The following OXR1 variants were observed in gnomAD, a reference collection of about 807,000 sequenced individuals.
OXR1 encodes the protein oxidation resistance protein 1.
OXR1 carries 41 observed loss-of-function variants against 104.6 expected under a neutral mutation model. The observed-to-expected ratio is 0.39, with a 90% CI of 0.31 to 0.51. The LOEUF (loss-of-function observed/expected upper bound fraction) is 0.51, where lower values mean the gene tolerates loss of function less well. OXR1 is among the 20% of genes least tolerant of loss of function. The pLI is 0.77. For synonymous variants in OXR1, 348 were observed against 348.4 expected (o/e 1.00, Z 0.01); for missense variants, 955 against 1,031.9 (o/e 0.93, Z 1.02).
At chr8:106,727,968 G>A (rs559191387) in intron 11 of OXR1, among the ~76,000 whole-genome samples, 1 of 152,216 alleles carries the variant, frequency 6.6e-6, no homozygotes, top group East Asian at 1.9e-4. Context: ...AGCACATATT[G>A]TAGTTCACCA....
intron 11 of OXR1, among the ~76,000 whole-genome samples, chr8:106,718,561 C>G (rs540860609): frequency 6.6e-6 from 1 of 152,050 alleles, no homozygotes; most frequent in Admixed American, 6.6e-5. Context: ...TGGTGTGGGT[C>G]GGGCGTGGTG....
chr8:106,420,817 A>G (rs1313741339), intron 2 of OXR1, among the ~76,000 whole-genome samples: 1 of 151,778 alleles, frequency 6.6e-6, no homozygotes, highest in Non-Finnish European at 1.5e-5. Context: ...TGTTAAAGAT[A>G]TTTAAAGTCT....
At chr8:106,705,257 GAC>G (rs1304207042) in intron 8 of OXR1, among the ~76,000 whole-genome samples, 1 of 152,044 alleles carries the variant, frequency 6.6e-6, no homozygotes, top group African/African-American at 2.4e-5. Flanking sequence ...ACCAGTAGAT[GAC>G]ACTATTGTAT....
intron 2 of OXR1, among the ~76,000 whole-genome samples, chr8:106,512,113 T>A (rs890661058): frequency 1.3e-5 from 2 of 152,198 alleles, no homozygotes; most frequent in Non-Finnish European, 2.9e-5. Flanking sequence ...ATGTCAATTT[T>A]ATGACAGATA....
chr8:106,465,211 G>A (rs974930609), intron 2 of OXR1, among the ~76,000 whole-genome samples: 2 of 151,916 alleles, frequency 1.3e-5, no homozygotes, highest in Non-Finnish European at 2.9e-5. Flanking sequence ...GGATGTCTGC[G>A]AGATGAGCAT....
At chr8:106,666,132 A>C (rs1826299096) in intron 3 of OXR1, among the ~76,000 whole-genome samples, 1 of 152,216 alleles carries the variant, frequency 6.6e-6, no homozygotes. Context: ...CTTCTGTACA[A>C]GGGGAAAACA....
intron 3 of OXR1, among the ~76,000 whole-genome samples, chr8:106,578,622 A>G (rs896202641): frequency 2.6e-5 from 4 of 152,246 alleles, no homozygotes; most frequent in East Asian, 1.9e-4. Flanking sequence ...AGGACTTACT[A>G]TGTATACTGT....
At chr8:106,747,877 C>CT (rs1460636127) in intron 16 of OXR1, among the ~76,000 whole-genome samples, 2 of 152,190 alleles carry the variant, frequency 1.3e-5, no homozygotes, top group African/African-American at 4.8e-5. Context: ...ATTCATGAAT[C>CT]TTGAAGGTCA....
At chr8:106,467,236 A>G (rs1821221403) in intron 2 of OXR1, among the ~76,000 whole-genome samples, 1 of 151,986 alleles carries the variant, frequency 6.6e-6, no homozygotes, top group Non-Finnish European at 1.5e-5. Flanking sequence ...TTTAGCAAAC[A>G]ACAAGCAATT....
rs149277343 is a variant in OXR1, at chr8:106,587,407, T to C, written c.220+68268T>C. ...GGAGAGTAGGAGAGTGAATGAACTA[T>C]GAAAATATACTACAAAGATCAGGCA... is the stretch of plus-strand genomic sequence containing the variant. On this transcript the variant is annotated intron_variant, in intron 3 of 16. Coordinates refer to ENST00000517566, the MANE Select transcript of OXR1 (RefSeq NM_001198533.2). Among the ~76,000 whole-genome samples, 7 of 152,288 alleles carry C rather than the reference T, an allele frequency of 4.6e-5. 1 individual carries two copies. The highest frequency in any genetic ancestry group is 1.7e-4 in the African/African-American group (7 of 41,568).
At chr8:106,319,620 A>G (rs1334970389) in intron 1 of OXR1, among the ~76,000 whole-genome samples, 3 of 152,180 alleles carry the variant, frequency 2.0e-5, no homozygotes, top group African/African-American at 7.2e-5. Flanking sequence ...TACCCTTTCA[A>G]TGAGGAAACT....
chr8:106,489,977 T>C (rs1354590002), intron 2 of OXR1, among the ~76,000 whole-genome samples: 1 of 152,182 alleles, frequency 6.6e-6, no homozygotes, highest in Non-Finnish European at 1.5e-5. Context: ...ACAACTGGCT[T>C]AAATTAAACC....
At chr8:106,666,065 A>G (rs1385670355) in intron 3 of OXR1, among the ~76,000 whole-genome samples, 1 of 152,230 alleles carries the variant, frequency 6.6e-6, no homozygotes, top group Non-Finnish European at 1.5e-5. Context: ...TTTTAAACCC[A>G]TTAAATCTTT....
At chr8:106,379,327 A>T (rs1817036661) in intron 2 of OXR1, among the ~76,000 whole-genome samples, 1 of 152,144 alleles carries the variant, frequency 6.6e-6, no homozygotes, top group Non-Finnish European at 1.5e-5. Context: ...GGCATAATTG[A>T]TATGTAGATC....
intron 2 of OXR1, among the ~76,000 whole-genome samples, chr8:106,374,167 G>A (rs973605739): frequency 1.3e-5 from 2 of 152,104 alleles, no homozygotes; most frequent in African/African-American, 4.8e-5. Context: ...TCTTTTACTA[G>A]ACACACATAG....
At chr8:106,361,409 C>A (rs1417253592) in intron 2 of OXR1, among the ~76,000 whole-genome samples, 1 of 152,144 alleles carries the variant, frequency 6.6e-6, no homozygotes, top group Non-Finnish European at 1.5e-5. Flanking sequence ...GATTTCCATG[C>A]AGGGAGCTAT....
intron 3 of OXR1, among the ~76,000 whole-genome samples, chr8:106,552,958 AC>A (rs1586800744): frequency 6.6e-6 from 1 of 152,174 alleles, no homozygotes; most frequent in Non-Finnish European, 1.5e-5. Context: ...GATAACAAAG[AC>A]TGTTTTATTC....
chr8:106,644,182 G>C (rs1442047484), intron 3 of OXR1, among the ~76,000 whole-genome samples: 2 of 152,118 alleles, frequency 1.3e-5, no homozygotes, highest in Admixed American at 1.3e-4. Flanking sequence ...TGCTTTTGTT[G>C]TTTGTTGGTT....
intron 3 of OXR1, among the ~76,000 whole-genome samples, chr8:106,562,401 T>G (rs1366976078): frequency 6.6e-6 from 1 of 151,978 alleles, no homozygotes; most frequent in Non-Finnish European, 1.5e-5. Flanking sequence ...TGAAATAAAG[T>G]GTGAAGACAA....
Sources: allele counts gnomAD v4.1 joint callset (sites outside exome capture counted in the v4.1 genomes callset), GRCh38; gene constraint gnomAD v4.1.1; transcripts MANE v1.5; gene names NCBI Gene and HGNC (gene_info 2026-07-23, HGNC 2026-07-21).